Variants in DLGAP2 observed in about 807,000 individuals in gnomAD.
The protein encoded by DLGAP2 is DLG associated protein 2.
DLGAP2 carries 26 observed loss-of-function variants against 100.3 expected under a neutral mutation model. The observed-to-expected ratio is 0.26, with a 90% CI of 0.19 to 0.36. The LOEUF (loss-of-function observed/expected upper bound fraction) is 0.36, where lower values mean the gene tolerates loss of function less well. Ranked by LOEUF, DLGAP2 falls within the 10% of genes least tolerant of loss-of-function variation. DLGAP2 has a pLI of 1.00. For missense variants in DLGAP2, 1,858 were observed against 1,453.2 expected (o/e 1.28, Z -4.53); for synonymous variants, 886 against 630.1 (o/e 1.41, Z -6.08).
chr8:1,262,210 T>C (rs567161979), intron 3 of DLGAP2, among the ~76,000 whole-genome samples: 1 of 152,160 alleles, frequency 6.6e-6, no homozygotes, highest in African/African-American at 2.4e-5. Context: ...AATTCTACAG[T>C]TGGGGAATCT....
chr8:1,087,846 G>A (rs1378199106), intron 2 of DLGAP2, among the ~76,000 whole-genome samples: 1 of 152,176 alleles, frequency 6.6e-6, no homozygotes, highest in Non-Finnish European at 1.5e-5. Context: ...CTTGCCATCA[G>A]CACACAGTGC....
intron 1 of DLGAP2, among the ~76,000 whole-genome samples, chr8:745,297 A>T (rs1563407991): frequency 1.3e-5 from 2 of 152,248 alleles, no homozygotes; most frequent in South Asian, 4.1e-4. Flanking sequence ...ATTTGCATAA[A>T]CAATTGAGAA....
intron 2 of DLGAP2, among the ~76,000 whole-genome samples, chr8:1,007,260 G>A (rs12156162): frequency 0.12 from 17,709 of 152,228 alleles, 1,113 homozygotes; most frequent in Middle Eastern, 0.22. Flanking sequence ...TGTCTGCACG[G>A]GTTGTCTCTG....
chr8:1,365,727 T>G (rs1802093693), intron 3 of DLGAP2, among the ~76,000 whole-genome samples: 1 of 152,146 alleles, frequency 6.6e-6, no homozygotes, highest in Non-Finnish European at 1.5e-5. Context: ...GTCACTAAAT[T>G]TCTAAATTTC....
chr8:964,546 C>A (rs1799800866), intron 2 of DLGAP2, among the ~76,000 whole-genome samples: 1 of 152,252 alleles, frequency 6.6e-6, no homozygotes, highest in Non-Finnish European at 1.5e-5. Context: ...TAAACAGAGT[C>A]CTTGGGAAAT....
At chr8:1,126,048 T>C (rs925835163) in intron 2 of DLGAP2, among the ~76,000 whole-genome samples, 1 of 152,236 alleles carries the variant, frequency 6.6e-6, no homozygotes, top group African/African-American at 2.4e-5. Context: ...TCCCCTGCCA[T>C]GGTCTTCTCC....
At chr8:1,411,103 G>A (rs1400118070) in intron 3 of DLGAP2, among the ~76,000 whole-genome samples, 2 of 152,092 alleles carry the variant, frequency 1.3e-5, no homozygotes, top group African/African-American at 4.8e-5. Context: ...TTCCTTTCAG[G>A]TATTCAGTCG....
At chr8:1,449,803 G>A (rs1027416719) in intron 3 of DLGAP2, among the ~76,000 whole-genome samples, 2 of 149,928 alleles carry the variant, frequency 1.3e-5, no homozygotes, top group Admixed American at 6.6e-5. Context: ...CTGGGCTGCC[G>A]TGAAGACGAG....
chr8:1,038,142 C>T (rs773591605), intron 2 of DLGAP2, among the ~76,000 whole-genome samples: 4 of 152,304 alleles, frequency 2.6e-5, no homozygotes, highest in East Asian at 1.9e-4. Context: ...CCTCTGGAGT[C>T]GCTACCTGTG....
intron 6 of DLGAP2, among the ~76,000 whole-genome samples, chr8:1,597,891 A>G (rs1420995121): frequency 6.6e-6 from 1 of 152,212 alleles, no homozygotes; most frequent in Non-Finnish European, 1.5e-5. Flanking sequence ...CCTGACCAGA[A>G]CATCCATCAC....
At chr8:1,564,051 G>C (rs899609369) in intron 5 of DLGAP2, among the ~76,000 whole-genome samples, 1 of 152,164 alleles carries the variant, frequency 6.6e-6, no homozygotes, top group Non-Finnish European at 1.5e-5. Context: ...TGCTATGTTA[G>C]TTCCTTGACT....
chr8:1,363,915 G>A (rs1315720514), intron 3 of DLGAP2, among the ~76,000 whole-genome samples: 1 of 152,144 alleles, frequency 6.6e-6, no homozygotes, highest in Non-Finnish European at 1.5e-5. Context: ...CCGGCTGGGG[G>A]GTCCCTCCCT....
intron 2 of DLGAP2, among the ~76,000 whole-genome samples, chr8:1,021,358 G>A (rs1471887737): frequency 6.6e-6 from 1 of 152,162 alleles, no homozygotes; most frequent in Non-Finnish European, 1.5e-5. Context: ...ATTCCCTGAG[G>A]ATGAAAATGC....
At chr8:1,121,392 C>G (rs1796044153) in intron 2 of DLGAP2, among the ~76,000 whole-genome samples, 1 of 146,746 alleles carries the variant, frequency 6.8e-6, no homozygotes, top group Non-Finnish European at 1.5e-5. Flanking sequence ...TTTAGAAACC[C>G]TGACCACCCA....
chr8:1,443,674 G>A (rs531597794), intron 3 of DLGAP2, among the ~76,000 whole-genome samples: 6 of 152,262 alleles, frequency 3.9e-5, no homozygotes, highest in South Asian at 2.1e-4. Flanking sequence ...CAGAGAAGAC[G>A]GCTTGTGCAG....
intron 2 of DLGAP2, among the ~76,000 whole-genome samples, chr8:1,089,927 G>A (rs1299082898): frequency 6.6e-6 from 1 of 152,208 alleles, no homozygotes; most frequent in African/African-American, 2.4e-5. Flanking sequence ...CACTGCTTGG[G>A]ATGAAGTCCG....
chr8:746,577 C>T (rs557663996), intron 1 of DLGAP2, among the ~76,000 whole-genome samples: 3 of 152,374 alleles, frequency 2.0e-5, no homozygotes, highest in South Asian at 2.1e-4. Flanking sequence ...GCACCTGACA[C>T]CTTGCTGGGC....
In DLGAP2 at chr8:919,969, C is replaced by G. The variant is rs1441027286; in HGVS notation, c.73+12003C>G. ...TAGCATTGGGGTCCCCAGGAGCACCCCCACTCAGCGATTCACTGGGAGGAC... is the reference window on the plus strand; with the variant it reads ...TAGCATTGGGGTCCCCAGGAGCACCGCCACTCAGCGATTCACTGGGAGGAC... On this transcript the variant is annotated intron_variant, in intron 2 of 14. Transcript: ENST00000637795. Among the ~76,000 whole-genome samples, 5 of 152,218 alleles carry G rather than the reference C, an allele frequency of 3.3e-5. No individual in the cohort carries two copies. In the East Asian group the frequency reaches 9.6e-4, roughly 29 times the overall value.
At chr8:870,664 T>C (rs1304121975) in intron 1 of DLGAP2, among the ~76,000 whole-genome samples, 2 of 152,084 alleles carry the variant, frequency 1.3e-5, no homozygotes, top group African/African-American at 2.4e-5. Context: ...CAGACTATTA[T>C]CCAGCTTTTG....
Sources: gnomAD v4.1 joint callset for allele counts (sites outside exome capture counted in the v4.1 genomes callset) on GRCh38, gnomAD v4.1.1 for gene constraint, MANE v1.5 for transcripts, NCBI Gene and HGNC (gene_info 2026-07-23, HGNC 2026-07-21) for gene names.